SNX8: variants seen among roughly 807,000 people sequenced by gnomAD.
SNX8 encodes the protein sorting nexin 8, also known as sorting nexin-8.
Under a neutral mutation model 51.6 loss-of-function variants are expected in SNX8, and 25 were observed. The observed-to-expected ratio is 0.48, with a 90% CI of 0.35 to 0.68. The LOEUF is 0.68. Ranked by LOEUF, SNX8 falls within the 30% of genes least tolerant of loss-of-function variation. SNX8 has a pLI of 0.00. For synonymous variants in SNX8, 324 were observed against 277.0 expected (o/e 1.17, Z -1.68); for missense variants, 695 against 624.0 (o/e 1.11, Z -1.21).
rs141517376 is a variant in SNX8, at chr7:2,276,417, G to A, written c.301-1188C>T. On this transcript the variant is annotated intron_variant, in intron 2 of 10. Transcript: ENST00000222990. ...CTCTGACCCGCTTTGTCCTTTGGTA[G>A]CAGTACTGACAACCATTCGGACCGT... 9.2e-5 allele frequency among the ~76,000 whole-genome samples: 14 copies of A among 152,354 alleles called. No homozygotes were observed. The East Asian group carries it at 2.7e-3, about 29-fold the overall frequency.
chr7:2,289,767 A>G (rs983780621), intron 1 of SNX8, among the ~76,000 whole-genome samples: 1 of 152,214 alleles, frequency 6.6e-6, no homozygotes, highest in African/African-American at 2.4e-5. Flanking sequence ...GGTATAACAA[A>G]GCCATTCGGG....
intron 3 of SNX8, among the ~76,000 whole-genome samples, chr7:2,273,917 A>C (rs75758581): frequency 4.6e-5 from 7 of 152,002 alleles, no homozygotes; most frequent in Admixed American, 2.0e-4. Flanking sequence ...AAAAAAAAAA[A>C]ACACCATAAA....
At chr7:2,316,085 C>T (rs115234166), upstream of SNX8, among the ~76,000 whole-genome samples, 1,215 of 148,490 alleles carry the variant, frequency 8.2e-3, 15 homozygotes, top group African/African-American at 0.029. Context: ...TCATGCACTT[C>T]ATCCTGCATT....
At chr7:2,275,961 G>A (rs1159403465) in intron 2 of SNX8, among the ~76,000 whole-genome samples, 3 of 150,774 alleles carry the variant, frequency 2.0e-5, no homozygotes, top group African/African-American at 2.4e-5. Context: ...TCACGCCACT[G>A]CACTCCAGCC....
At chr7:2,342,161 A>G (rs1778939040) in intron 1 of SNX8, among the ~76,000 whole-genome samples, 1 of 151,814 alleles carries the variant, frequency 6.6e-6, no homozygotes, top group South Asian at 2.1e-4. Flanking sequence ...CCTGGGCAAT[A>G]AGAGGGAAAC....
intron 1 of SNX8, among the ~76,000 whole-genome samples, chr7:2,320,661 C>T (rs1160596442): frequency 2.0e-5 from 3 of 152,070 alleles, no homozygotes; most frequent in African/African-American, 7.2e-5. Flanking sequence ...GAGGTCGAGG[C>T]TGCAGTGAGC....
At chr7:2,267,969 A>T (rs1437753492) in intron 5 of SNX8, among the ~76,000 whole-genome samples, 2 of 124,048 alleles carry the variant, frequency 1.6e-5, no homozygotes, top group South Asian at 5.5e-4. Flanking sequence ...CCGCCGCCCC[A>T]TCTGGGATGT....
chr7:2,280,108 G>A (rs1444419172), intron 1 of SNX8, among the ~76,000 whole-genome samples: 1 of 152,140 alleles, frequency 6.6e-6, no homozygotes, highest in Non-Finnish European at 1.5e-5. Flanking sequence ...TTATAGCTAG[G>A]ACTCCCAACC....
At chr7:2,300,700 T>C (rs886713440) in intron 1 of SNX8, among the ~76,000 whole-genome samples, 2 of 152,046 alleles carry the variant, frequency 1.3e-5, no homozygotes, top group Non-Finnish European at 2.9e-5. Flanking sequence ...TGGAGTGCAG[T>C]GGTGCAATCT....
intron 8 of SNX8, 79 bp from the exon 9 acceptor site, chr7:2,257,593 C>T (rs887659056): frequency 1.3e-6 from 2 of 1,582,574 alleles, no homozygotes; most frequent in Admixed American, 1.7e-5. Flanking sequence ...AGGGAAGCAC[C>T]CCCGCCAGAC....
chr7:2,276,642 T>TA (rs34590431), intron 2 of SNX8, among the ~76,000 whole-genome samples: 2,263 of 128,394 alleles, frequency 0.018, 45 homozygotes, highest in African/African-American at 0.053. Context: ...ATTTGTACTT[T>TA]AAAAAAAAAA....
intron 1 of SNX8, among the ~76,000 whole-genome samples, chr7:2,326,964 T>A (rs1249998107): frequency 1.3e-5 from 2 of 152,128 alleles, no homozygotes; most frequent in African/African-American, 4.8e-5. Flanking sequence ...TAAAAATTAT[T>A]TTTTAAAAAA....
intron 5 of SNX8, among the ~76,000 whole-genome samples, chr7:2,268,238 G>A (rs1444778447): frequency 7.3e-6 from 1 of 137,334 alleles, no homozygotes; most frequent in Admixed American, 7.2e-5. Flanking sequence ...GCGAGACCCC[G>A]TCTGGGAGGT....
At chr7:2,288,909 T>C (rs1796090689) in intron 1 of SNX8, among the ~76,000 whole-genome samples, 1 of 152,072 alleles carries the variant, frequency 6.6e-6, no homozygotes, top group Non-Finnish European at 1.5e-5. Flanking sequence ...CTAATTTTCG[T>C]TATTTTTTGT....
At chr7:2,277,123 C>G (rs914702745) in intron 2 of SNX8, among the ~76,000 whole-genome samples, 4 of 152,206 alleles carry the variant, frequency 2.6e-5, no homozygotes, top group African/African-American at 9.6e-5. Flanking sequence ...TGACTCCACA[C>G]CTCCCAAGGA....
chr7:2,266,460 C>A (rs1795466830), intron 5 of SNX8, among the ~76,000 whole-genome samples: 1 of 152,136 alleles, frequency 6.6e-6, no homozygotes, highest in Non-Finnish European at 1.5e-5. Flanking sequence ...AATTCTCCTG[C>A]CTCAGCCTCC....
chr7:2,267,240 T>C (rs765597047), intron 5 of SNX8, among the ~76,000 whole-genome samples: 4 of 152,192 alleles, frequency 2.6e-5, no homozygotes, highest in Non-Finnish European at 5.9e-5. Context: ...TTTGAAGGGT[T>C]AAAACTTGTT....
chr7:2,348,481 C>T (rs956013779), intron 1 of SNX8, among the ~76,000 whole-genome samples: 10 of 151,774 alleles, frequency 6.6e-5, no homozygotes, highest in African/African-American at 2.2e-4. Flanking sequence ...GCTGGGACTA[C>T]AGGCGCCCGC....
At chr7:2,275,462 G>A (rs1210072356) in intron 2 of SNX8, among the ~76,000 whole-genome samples, 1 of 152,194 alleles carries the variant, frequency 6.6e-6, no homozygotes, top group East Asian at 1.9e-4. Flanking sequence ...CATTCTGGGA[G>A]GTTGAGGCGG....
Sources: allele counts gnomAD v4.1 joint callset (sites outside exome capture counted in the v4.1 genomes callset), GRCh38; gene constraint gnomAD v4.1.1; transcripts MANE v1.5; gene names NCBI Gene and HGNC (gene_info 2026-07-23, HGNC 2026-07-21).